Variants in CSGALNACT1 observed in about 807,000 individuals in gnomAD.
CSGALNACT1 encodes the protein chondroitin sulfate N-acetylgalactosaminyltransferase 1.
A neutral mutation model predicts 51.0 loss-of-function variants in CSGALNACT1; 52 were observed. The observed-to-expected ratio is 1.02, with a 90% CI of 0.82 to 1.29. The LOEUF (loss-of-function observed/expected upper bound fraction) is 1.29. CSGALNACT1 is among the 50% of genes most tolerant of loss of function. The pLI, the probability that CSGALNACT1 is intolerant of heterozygous loss-of-function variation, is 0.00. For synonymous variants in CSGALNACT1, 341 were observed against 254.4 expected (o/e 1.34, Z -3.24); for missense variants, 935 against 679.2 (o/e 1.38, Z -4.19).
At chr8:19,411,643 G>A (rs2055766077) in intron 8 of CSGALNACT1, among the ~76,000 whole-genome samples, 1 of 152,134 alleles carries the variant, frequency 6.6e-6, no homozygotes, top group South Asian at 2.1e-4. Flanking sequence ...TGGAGTGTGT[G>A]ACTTCTTAGA....
Position 19,519,559 on chromosome 8 carries a change from C to T in CSGALNACT1, c.-296-13429G>A, listed in dbSNP as rs552025955. Among the ~76,000 whole-genome samples the T allele has an allele frequency of 4.3e-4, 65 of 152,276 alleles. No individual in the cohort carries two copies. The South Asian group carries it at 0.01, about 24-fold the overall frequency. ...GAACCCTGGAAATAGGACAAAACAT[C>T]ACCTCTAAACAGAATCACTGGTGCC... On this transcript the variant is annotated intron_variant, in intron 3 of 9. Coordinates refer to ENST00000454498, the Ensembl canonical transcript of CSGALNACT1.
intron 3 of CSGALNACT1, among the ~76,000 whole-genome samples, chr8:19,544,874 G>A (rs1563983475): frequency 1.3e-5 from 2 of 152,090 alleles, no homozygotes. Flanking sequence ...AGTTCCCCAA[G>A]AAGACAACAA....
chr8:19,601,912 C>T (rs548179265), intron 1 of CSGALNACT1, 47 bp from the exon 2 acceptor site: 1 of 453,430 alleles, frequency 2.2e-6, no homozygotes, highest in East Asian at 7.0e-5. Context: ...ATTTCCATGT[C>T]TTAAATGTAT....
chr8:19,466,683 A>G (rs2066761428), intron 4 of CSGALNACT1, among the ~76,000 whole-genome samples: 1 of 152,162 alleles, frequency 6.6e-6, no homozygotes, highest in Admixed American at 6.5e-5. Flanking sequence ...GAGATGTCCT[A>G]AGACTGCTAT....
Position 19,560,518 on chromosome 8 carries a change from A to G in CSGALNACT1, c.-297+30642T>C, listed in dbSNP as rs115989259. Among the ~76,000 whole-genome samples the G allele has an allele frequency of 6.1e-3, 928 of 152,344 alleles. 10 individuals carry two copies. Among genetic ancestry groups the G allele is most frequent in the African/African-American group, 0.021 (878 of 41,588 alleles). On this transcript the variant is annotated intron_variant, in intron 3 of 9. Transcript: ENST00000454498. ...AACAGAAGACTTCGATCCTGAAAGC[A>G]TAAGAATTCTGCAAACAATTCAATA...
chr8:19,615,136 C>T (rs556056158), intron 1 of CSGALNACT1, among the ~76,000 whole-genome samples: 4 of 152,078 alleles, frequency 2.6e-5, no homozygotes, highest in Non-Finnish European at 2.9e-5. Flanking sequence ...AAACCCCATC[C>T]CTCCTAAAAA....
rs183987580 is a variant in CSGALNACT1 at position 19,673,654 on chromosome 8, T to C, written c.-544+8819A>G. On this transcript the variant is annotated intron_variant, in intron 1 of 9. Coordinates refer to the CSGALNACT1 transcript ENST00000332246. The stretch of plus-strand genomic sequence containing the variant: ...AGTTCCAGTAGGTAAGAGTTAGAAA[T>C]GAATTTGTCTGCTTCTACCACGTGC... Among the ~76,000 whole-genome samples the C allele has an allele frequency of 1.2e-4, 18 of 152,334 alleles. No individual in the cohort carries two copies. In the East Asian group the frequency reaches 3.5e-3, roughly 29 times the overall value.
chr8:19,591,069 C>T (rs2047710167), intron 3 of CSGALNACT1: 1 of 152,202 alleles, frequency 6.6e-6, no homozygotes, highest in Non-Finnish European at 1.5e-5. Flanking sequence ...AACTATACCT[C>T]TTGGTCAATC....
At chr8:19,551,299 A>T (rs537298273) in intron 3 of CSGALNACT1, among the ~76,000 whole-genome samples, 2 of 152,248 alleles carry the variant, frequency 1.3e-5, no homozygotes, top group East Asian at 3.9e-4. Context: ...CGGAAACTCC[A>T]CCTTCAGATC....
At chr8:19,470,540 C>G (rs140040328) in intron 4 of CSGALNACT1, among the ~76,000 whole-genome samples, 1 of 152,080 alleles carries the variant, frequency 6.6e-6, no homozygotes, top group African/African-American at 2.4e-5. Context: ...ACTCTGCAGA[C>G]AGGTGTGAGG....
chr8:19,613,001 G>C (rs1017211393), intron 1 of CSGALNACT1, among the ~76,000 whole-genome samples: 151 of 124,490 alleles, frequency 1.2e-3, no homozygotes, highest in African/African-American at 4.6e-3. Flanking sequence ...CAGGGAACTT[G>C]GTATCTTTAA....
intron 3 of CSGALNACT1, among the ~76,000 whole-genome samples, chr8:19,576,267 C>G (rs1464383512): frequency 1.3e-5 from 2 of 152,194 alleles, no homozygotes; most frequent in East Asian, 3.9e-4. Context: ...GTAATCTCAG[C>G]TCAGTGCAAC....
chr8:19,755,999 A>G (rs538135145), intron 1 of CSGALNACT1, among the ~76,000 whole-genome samples: 1 of 152,288 alleles, frequency 6.6e-6, no homozygotes, highest in East Asian at 1.9e-4. Flanking sequence ...CACTATTACA[A>G]AACGTGTTCA....
At chr8:19,724,805 C>T (rs1339991913) in intron 1 of CSGALNACT1, among the ~76,000 whole-genome samples, 1 of 152,204 alleles carries the variant, frequency 6.6e-6, no homozygotes, top group African/African-American at 2.4e-5. Flanking sequence ...ACAGTGCATC[C>T]TCTGCGTGTT....
intron 3 of CSGALNACT1, among the ~76,000 whole-genome samples, chr8:19,535,478 G>C (rs2083555475): frequency 6.6e-6 from 1 of 152,176 alleles, no homozygotes; most frequent in African/African-American, 2.4e-5. Flanking sequence ...CCTGACTGGA[G>C]GGTTTAGACA....
chr8:19,528,952 A>G (rs908041062), intron 3 of CSGALNACT1, among the ~76,000 whole-genome samples: 8 of 152,202 alleles, frequency 5.3e-5, no homozygotes, highest in Non-Finnish European at 1.0e-4. Context: ...CAGAAGGTCT[A>G]TGAGTAATGG....
At chr8:19,666,831 G>GAGAGAA (rs1554794476) in intron 1 of CSGALNACT1, among the ~76,000 whole-genome samples, 39 of 24,804 alleles carry the variant, frequency 1.6e-3, no homozygotes, top group Admixed American at 2.6e-3. Context: ...GAGAGAGAGA[G>GAGAGAA]AGAAAGAAAG....
In CSGALNACT1 at chr8:19,673,295, C is replaced by T. The variant is rs1347764145; in HGVS notation, c.-544+9178G>A. Among the ~76,000 whole-genome samples the T allele has an allele frequency of 3.3e-5, 5 of 152,174 alleles. No homozygotes were observed. The South Asian group carries it at 8.3e-4, about 25-fold the overall frequency. ...TAACTACTGCAGCTTCACAACTAAC[C>T]TGGCTGTGTTTCAAAGGCACTGAAA... On this transcript the variant is annotated intron_variant, in intron 1 of 9. Transcript: ENST00000332246.
At chr8:19,426,561 G>C (rs4554480) in intron 6 of CSGALNACT1, among the ~76,000 whole-genome samples, 1 of 152,068 alleles carries the variant, frequency 6.6e-6, no homozygotes, top group East Asian at 1.9e-4. Flanking sequence ...GAAACTGAAC[G>C]TGCAGTTCCA....
Sources: allele counts gnomAD v4.1 joint callset (sites outside exome capture counted in the v4.1 genomes callset), GRCh38; gene constraint gnomAD v4.1.1; transcripts MANE v1.5; gene names NCBI Gene and HGNC (gene_info 2026-07-23, HGNC 2026-07-21).